JAKMIP1: variants seen among roughly 807,000 people sequenced by gnomAD.
JAKMIP1 encodes the protein janus kinase and microtubule-interacting protein 1.
A neutral mutation model predicts 113.0 loss-of-function variants in JAKMIP1; 33 were observed. The observed-to-expected ratio is 0.29, with a 90% CI of 0.22 to 0.39. JAKMIP1 has a LOEUF of 0.39. Among genes scored for constraint, JAKMIP1 ranks in the 10% least tolerant of loss-of-function variants. The pLI, the probability that JAKMIP1 is intolerant of heterozygous loss-of-function variation, is 1.00. For missense variants in JAKMIP1, 813 were observed against 1,080.5 expected (o/e 0.75, Z 3.47); for synonymous variants, 480 against 459.9 (o/e 1.04, Z -0.56).
In JAKMIP1 at chr4:6,154,761, A is replaced by G. The variant is rs900880335; in HGVS notation, c.-147-41764T>C. Among the ~76,000 whole-genome samples the G allele has an allele frequency of 6.6e-6, 1 of 152,058 alleles. No homozygotes were observed. Among genetic ancestry groups the G allele is most frequent in the African/African-American group, 2.4e-5 (1 of 41,422 alleles). Reference sequence around the variant, plus strand: ...AACTCCCCACCCCCAGCCATCATGAACTACAGACAGCACCCTAAACATCCT... The same window carrying G: ...AACTCCCCACCCCCAGCCATCATGAGCTACAGACAGCACCCTAAACATCCT... On this transcript the variant is annotated intron_variant, in intron 1 of 20. Coordinates refer to ENST00000409021, the MANE Select transcript of JAKMIP1 (RefSeq NM_001099433.2). The surrounding 1 kb of genome is among the most constrained non-coding windows in gnomAD (Gnocchi z 4.2).
rs538233517 is a variant in JAKMIP1 at position 6,185,444 on chromosome 4, G to A, written c.-148+14809C>T. Among the ~76,000 whole-genome samples the A allele has an allele frequency of 1.2e-3, 185 of 152,180 alleles. No homozygotes were observed. The highest frequency in any genetic ancestry group is 3.7e-3 in the African/African-American group (152 of 41,516). On this transcript the variant is annotated intron_variant, in intron 1 of 20. Coordinates refer to ENST00000409021, the MANE Select transcript of JAKMIP1 (RefSeq NM_001099433.2). The surrounding 1 kb of genome is among the most constrained non-coding windows in gnomAD (Gnocchi z 5.3). ...GGGCGGATCATGAGGTCAGGAGATC[G>A]AGACCATCCTGGCTAACACAGTGAA... is the stretch of plus-strand genomic sequence containing the variant.
chr4:6,040,784 G>A lies in JAKMIP1; in HGVS notation c.2098-68C>T, dbSNP rs1255380042. 1.3e-5 allele frequency: 16 copies of A among 1,264,544 alleles called. No individual in the cohort carries two copies. Among genetic ancestry groups the A allele is most frequent in the African/African-American group, 2.9e-5 (2 of 68,156 alleles). 78.3% of individuals were successfully genotyped at this position (1,264,544 alleles called of 1,614,324 possible). A position where few individuals can be genotyped will look rare whatever the true frequency, so the allele number is the denominator to read the frequency against. ...GGAATCCATGACAGCTTCAGAGCCC[G>A]TTTGCTAGAGAGTGGCAGTCTCACC... On this transcript the variant is annotated intron_variant, in intron 17 of 20. Transcript: ENST00000409021. This position sits in a 1 kb window ranked among gnomAD's most constrained non-coding sequence, Gnocchi z 5.8.
chr4:6,070,792 G>A (rs1447457872), intron 8 of JAKMIP1, among the ~76,000 whole-genome samples: 1 of 152,100 alleles, frequency 6.6e-6, no homozygotes. Flanking sequence ...ATTTGTCAGC[G>A]TTTTACCATT....
chr4:6,169,116 G>A (rs1489000184), intron 1 of JAKMIP1, among the ~76,000 whole-genome samples: 1 of 152,174 alleles, frequency 6.6e-6, no homozygotes, highest in Admixed American at 6.5e-5. Flanking sequence ...TAAAAGGCCA[G>A]ATTTTATAGT....
At chr4:6,118,894 G>A (rs779191365) in intron 1 of JAKMIP1, among the ~76,000 whole-genome samples, 7 of 152,210 alleles carry the variant, frequency 4.6e-5, no homozygotes, top group Admixed American at 2.0e-4. Context: ...AAGATGTAAC[G>A]AAGTTAAAGA....
rs898496748 is a variant in JAKMIP1, at chr4:6,193,224, G to A, written c.-148+7029C>T. On this transcript the variant is annotated intron_variant, in intron 1 of 20. Transcript: ENST00000409021. The surrounding 1 kb of genome is among the most constrained non-coding windows in gnomAD (Gnocchi z 6.4). Reference sequence around the variant, plus strand: ...ACCAGTGGTTTGCCAGGGGCTCTAAGGCCTTTGGCCACAGGCTGAAGGCTG... The same window carrying A: ...ACCAGTGGTTTGCCAGGGGCTCTAAAGCCTTTGGCCACAGGCTGAAGGCTG... 3.3e-5 allele frequency among the ~76,000 whole-genome samples: 5 copies of A among 152,148 alleles called. No individual in the cohort carries two copies. Among genetic ancestry groups the A allele is most frequent in the African/African-American group, 1.2e-4 (5 of 41,430 alleles).
chr4:6,079,797 A>AAACC (rs748798975), intron 7 of JAKMIP1, among the ~76,000 whole-genome samples: 7 of 151,892 alleles, frequency 4.6e-5, no homozygotes, highest in South Asian at 4.1e-4. Flanking sequence ...GCTAAGCTAA[A>AAACC]AACCAACCAA....
chr4:6,164,384 G>GA (rs1723338669), intron 1 of JAKMIP1, among the ~76,000 whole-genome samples: 2 of 151,994 alleles, frequency 1.3e-5, no homozygotes, highest in South Asian at 2.1e-4. Flanking sequence ...CTACTGCTCG[G>GA]AAAAAAAAGA....
In JAKMIP1 at chr4:6,080,850, A is replaced by C. The variant is rs948981464; in HGVS notation, c.1102-538T>G. ...ACAGGGCAGACCAAAGCCAAGCCCA[A>C]GGTGGGGCTGACCATGCACACTGCT... On this transcript the variant is annotated intron_variant, in intron 6 of 20. Transcript: ENST00000409021. This position sits in a 1 kb window ranked among gnomAD's most constrained non-coding sequence, Gnocchi z 6.0. Among the ~76,000 whole-genome samples, 1 of 152,118 alleles carries C rather than the reference A, an allele frequency of 6.6e-6. No individual in the cohort carries two copies. The highest frequency in any genetic ancestry group is 2.4e-5 in the African/African-American group (1 of 41,416).
intron 16 of JAKMIP1, among the ~76,000 whole-genome samples, chr4:6,045,481 G>A (rs1163027136): frequency 6.6e-6 from 1 of 152,230 alleles, no homozygotes; most frequent in Non-Finnish European, 1.5e-5. Context: ...CGGAGATGAG[G>A]AAAGCATGTG....
rs148706561 is a variant in JAKMIP1, at chr4:6,053,538, C to T, written c.1806+512G>A. Among the ~76,000 whole-genome samples, 7 of 152,270 alleles carry T rather than the reference C, an allele frequency of 4.6e-5. 1 individual carries two copies. The East Asian group carries it at 1.3e-3, about 29-fold the overall frequency. On this transcript the variant is annotated intron_variant, in intron 13 of 20. Coordinates refer to ENST00000409021, the MANE Select transcript of JAKMIP1 (RefSeq NM_001099433.2). Reference sequence around the variant, plus strand: ...TTTACCTTGGCAAATAGAAAATGGGCCCAAACTGGCATTAAACACATTCTA... The same window carrying T: ...TTTACCTTGGCAAATAGAAAATGGGTCCAAACTGGCATTAAACACATTCTA...
At chr4:6,171,636 G>T (rs193007604) in intron 1 of JAKMIP1, among the ~76,000 whole-genome samples, 8 of 152,328 alleles carry the variant, frequency 5.3e-5, no homozygotes, top group Admixed American at 5.2e-4. Context: ...GAGCATGAGT[G>T]CACAACAGTG....
chr4:6,038,382 C>G lies in JAKMIP1; in HGVS notation c.2175+2257G>C, dbSNP rs61076731. On this transcript the variant is annotated intron_variant, in intron 18 of 20. Transcript: ENST00000409021. Reference sequence around the variant, plus strand: ...TAGCCCTCCGTCACTGAGGCAGAGGCTAACCCAATAGCCCTCTGTCACCGA... The same window carrying G: ...TAGCCCTCCGTCACTGAGGCAGAGGGTAACCCAATAGCCCTCTGTCACCGA... Among the ~76,000 whole-genome samples, 2 of 119,590 alleles carry G rather than the reference C, an allele frequency of 1.7e-5. 1 individual carries two copies. The highest frequency in any genetic ancestry group is 7.9e-5 in the African/African-American group (2 of 25,470). 78.5% of individuals were successfully genotyped at this position (119,590 alleles called of 152,430 possible). A position where few individuals can be genotyped will look rare whatever the true frequency, so the allele number is the denominator to read the frequency against.
At chr4:6,039,162 C>G (rs992496568) in intron 18 of JAKMIP1, among the ~76,000 whole-genome samples, 3 of 152,134 alleles carry the variant, frequency 2.0e-5, no homozygotes, top group Admixed American at 2.0e-4. Context: ...CATGCAGGGG[C>G]CTCTTCTGCA....
At chr4:6,175,675 T>C (rs1055026609) in intron 1 of JAKMIP1, among the ~76,000 whole-genome samples, 1 of 152,220 alleles carries the variant, frequency 6.6e-6, no homozygotes, top group African/African-American at 2.4e-5. Flanking sequence ...CCCAGGCAGA[T>C]GGATGCTGCC....
At chr4:6,035,816 G>A (rs1244086622) in intron 19 of JAKMIP1, 88 bp downstream of exon 19, 31 of 1,132,074 alleles carry the variant, frequency 2.7e-5, no homozygotes, top group Admixed American at 4.8e-5. Context: ...TGAGCCTGGG[G>A]CACTCAGAGG....
In JAKMIP1 at chr4:6,116,986, G is replaced by A. The variant is rs537404304; in HGVS notation, c.-147-3989C>T. On this transcript the variant is annotated intron_variant, in intron 1 of 20. Transcript: ENST00000409021. The surrounding 1 kb of genome is among the most constrained non-coding windows in gnomAD (Gnocchi z 5.1). ...TTGCAGCCCAGTGCAAAATGAAAAC[G>A]TGAGGCTCCTTGTTCAAAATTATTA... Among the ~76,000 whole-genome samples the A allele has an allele frequency of 5.3e-5, 8 of 152,338 alleles. No individual in the cohort carries two copies. The highest frequency in any genetic ancestry group is 4.6e-4 in the Admixed American group (7 of 15,302).
rs963109702 is a variant in JAKMIP1, at chr4:6,168,603, A to G, written c.-148+31650T>C. 4.6e-5 allele frequency among the ~76,000 whole-genome samples: 7 copies of G among 152,150 alleles called. No individual in the cohort carries two copies. The highest frequency in any genetic ancestry group is 3.9e-4 in the Admixed American group (6 of 15,270). On this transcript the variant is annotated intron_variant, in intron 1 of 20. Coordinates refer to ENST00000409021, the MANE Select transcript of JAKMIP1 (RefSeq NM_001099433.2). This position sits in a 1 kb window ranked among gnomAD's most constrained non-coding sequence, Gnocchi z 4.6. ...AAATGTCTAGAATAGGGAAATCCAT[A>G]GGGATGGCCAGGCACGGTGGCTCAC...
chr4:6,030,942 G>A (rs1266067971), intron 19 of JAKMIP1, among the ~76,000 whole-genome samples: 1 of 152,142 alleles, frequency 6.6e-6, no homozygotes, highest in East Asian at 1.9e-4. Flanking sequence ...GGACGCAGAC[G>A]GTCCGGGGCC....
Sources: allele counts gnomAD v4.1 joint callset (sites outside exome capture counted in the v4.1 genomes callset), GRCh38; gene constraint gnomAD v4.1.1; non-coding constraint Gnocchi (gnomAD v3.1); transcripts MANE v1.5; gene names NCBI Gene and HGNC (gene_info 2026-07-23, HGNC 2026-07-21).